UBE2K: variants seen among roughly 807,000 people sequenced by gnomAD.
The protein encoded by UBE2K is ubiquitin-conjugating enzyme E2 K.
A neutral mutation model predicts 30.0 loss-of-function variants in UBE2K; 6 were observed. The observed-to-expected ratio is 0.20, with a 90% CI of 0.11 to 0.39. The LOEUF is 0.39. UBE2K is among the 10% of genes least tolerant of loss of function. UBE2K has a pLI of 1.00. For missense variants in UBE2K, 61 were observed against 241.6 expected, an observed-to-expected ratio of 0.25 and a Z score of 4.96; for synonymous variants, 86 against 83.7, an observed-to-expected ratio of 1.03 and a Z score of -0.15.
At position 39,718,593 on chromosome 4, in the gene UBE2K, G is replaced by A. The variant is rs553298272; in HGVS notation, c.64-18827G>A. On this transcript the variant is annotated intron_variant, in intron 1 of 6. Transcript: ENST00000261427. Reference sequence around the variant, plus strand: ...ATGCTCAGGCCACGCAGGAGCCCACGGCAGGGGGGCAGGACTCAGGCATGG... The same window carrying A: ...ATGCTCAGGCCACGCAGGAGCCCACAGCAGGGGGGCAGGACTCAGGCATGG... Among the ~76,000 whole-genome samples the A allele has an allele frequency of 7.9e-5, 12 of 152,366 alleles. No individual in the cohort carries two copies. The East Asian group carries it at 1.7e-3, about 22-fold the overall frequency.
chr4:39,769,213 G>GTTTTTTTTTT (rs60471860), intron 4 of UBE2K, among the ~76,000 whole-genome samples: 1 of 128,686 alleles, frequency 7.8e-6, no homozygotes, highest in Admixed American at 7.9e-5. Flanking sequence ...GTTTCTTTTT[G>GTTTTTTTTTT]TTTTTTTTTT....
chr4:39,717,710 A>C (rs1719162279), intron 1 of UBE2K, among the ~76,000 whole-genome samples: 1 of 152,228 alleles, frequency 6.6e-6, no homozygotes, highest in Non-Finnish European at 1.5e-5. Context: ...TTCAAGAATG[A>C]AGCCACGGAC....
intron 4 of UBE2K, among the ~76,000 whole-genome samples, chr4:39,772,033 C>T (rs1051662258): frequency 5.8e-4 from 88 of 152,228 alleles, no homozygotes; most frequent in African/African-American, 1.8e-3. Flanking sequence ...GACAGTGTTT[C>T]GCCATGTTGC....
intron 1 of UBE2K, among the ~76,000 whole-genome samples, chr4:39,725,097 G>C (rs1171477888): frequency 6.6e-6 from 1 of 151,764 alleles, no homozygotes; most frequent in Non-Finnish European, 1.5e-5. Flanking sequence ...AAAAGCCTTC[G>C]TGGCCAGGCA....
intron 1 of UBE2K, among the ~76,000 whole-genome samples, chr4:39,731,853 G>C (rs1720091786): frequency 6.6e-6 from 1 of 152,102 alleles, no homozygotes; most frequent in Non-Finnish European, 1.5e-5. Flanking sequence ...TGACAATGAT[G>C]AGCAGGGCTC....
At chr4:39,743,490 G>C (rs1406230271) in intron 2 of UBE2K, among the ~76,000 whole-genome samples, 1 of 151,924 alleles carries the variant, frequency 6.6e-6, no homozygotes, top group Admixed American at 6.6e-5. Context: ...TGTAGTCCCA[G>C]CTAATCGGGA....
chr4:39,738,905 C>A (rs1022195914), intron 2 of UBE2K, among the ~76,000 whole-genome samples: 2 of 152,114 alleles, frequency 1.3e-5, no homozygotes, highest in African/African-American at 4.8e-5. Flanking sequence ...GAACTTCTGA[C>A]CTTAGGTGAT....
At chr4:39,703,905 T>C (rs150699922) in intron 1 of UBE2K, among the ~76,000 whole-genome samples, 1 of 151,650 alleles carries the variant, frequency 6.6e-6, no homozygotes, top group African/African-American at 2.4e-5. Flanking sequence ...GTAAGATAAT[T>C]TATCTAAAGA....
At chr4:39,769,935 C>A in intron 4 of UBE2K, 1 of 602,626 alleles carries the variant, frequency 1.7e-6, no homozygotes. Flanking sequence ...GAATCATCTT[C>A]CCTCTCTCAG....
intron 1 of UBE2K, among the ~76,000 whole-genome samples, chr4:39,705,536 GAC>G (rs1718303258): frequency 6.6e-6 from 1 of 151,898 alleles, no homozygotes; most frequent in South Asian, 2.1e-4. Context: ...ATACATTATT[GAC>G]AGTTATTGAA....
intron 4 of UBE2K, among the ~76,000 whole-genome samples, chr4:39,773,235 C>T (rs1052712721): frequency 2.6e-5 from 4 of 151,178 alleles, no homozygotes; most frequent in African/African-American, 9.7e-5. Context: ...TTTGGGAGGC[C>T]AAGGCGGGCG....
At chr4:39,771,538 G>A (rs578058994) in intron 4 of UBE2K, among the ~76,000 whole-genome samples, 5 of 152,296 alleles carry the variant, frequency 3.3e-5, no homozygotes, top group Admixed American at 2.0e-4. Flanking sequence ...CCCACACACG[G>A]GCAGAGCCAG....
At chr4:39,715,088 C>T (rs1191696655) in intron 1 of UBE2K, among the ~76,000 whole-genome samples, 1 of 149,326 alleles carries the variant, frequency 6.7e-6, no homozygotes, top group South Asian at 2.1e-4. Context: ...TGCAGTGGCG[C>T]GATCTCGGCT....
At chr4:39,715,806 ACCT>A (rs1719027498) in intron 1 of UBE2K, among the ~76,000 whole-genome samples, 1 of 151,588 alleles carries the variant, frequency 6.6e-6, no homozygotes, top group Admixed American at 6.6e-5. Context: ...GGTTGGCCTG[ACCT>A]CCTGCTCTGG....
At chr4:39,706,238 G>A (rs1718356455) in intron 1 of UBE2K, among the ~76,000 whole-genome samples, 1 of 151,772 alleles carries the variant, frequency 6.6e-6, no homozygotes, top group Admixed American at 6.6e-5. Flanking sequence ...GGATGGTCTC[G>A]ATCTCCTGAC....
intron 4 of UBE2K, chr4:39,770,680 T>A: frequency 6.3e-7 from 1 of 1,578,848 alleles, no homozygotes; most frequent in Non-Finnish European, 8.6e-7. Context: ...GGGGCCACAG[T>A]GCTGGGGGGC....
intron 1 of UBE2K, among the ~76,000 whole-genome samples, chr4:39,718,242 A>G (rs1333217795): frequency 6.6e-6 from 1 of 152,178 alleles, no homozygotes; most frequent in Non-Finnish European, 1.5e-5. Flanking sequence ...CCTGAGCTAG[A>G]CACAAAAGTT....
chr4:39,742,238 A>G (rs963826083), intron 2 of UBE2K, among the ~76,000 whole-genome samples: 3 of 152,138 alleles, frequency 2.0e-5, no homozygotes, highest in Non-Finnish European at 2.9e-5. Flanking sequence ...GCTGAAGCCA[A>G]ATTTATTATA....
intron 1 of UBE2K, among the ~76,000 whole-genome samples, chr4:39,711,673 A>AT (rs1056071571): frequency 1.3e-5 from 2 of 151,830 alleles, no homozygotes; most frequent in African/African-American, 4.8e-5. Flanking sequence ...ACCTGAGCGT[A>AT]TTTTCAGCTT....
Sources: gnomAD v4.1 joint callset for allele counts (sites outside exome capture counted in the v4.1 genomes callset) on GRCh38, gnomAD v4.1.1 for gene constraint, MANE v1.5 for transcripts, NCBI Gene and HGNC (gene_info 2026-07-23, HGNC 2026-07-21) for gene names.